Variants in BAZ2B observed in about 807,000 individuals in gnomAD.
The protein encoded by BAZ2B is bromodomain adjacent to zinc finger domain protein 2B.
A neutral mutation model predicts 246.0 loss-of-function variants in BAZ2B; 91 were observed. The ratio of observed to expected loss-of-function variants is 0.37; its 90% CI spans 0.31 to 0.44. The LOEUF (loss-of-function observed/expected upper bound fraction) is 0.44. Ranked by LOEUF, BAZ2B falls within the 20% of genes least tolerant of loss-of-function variation. The probability of loss-of-function intolerance (pLI) is 1.00; values close to 1 mark genes in which losing one functional copy is unlikely to be tolerated. For synonymous variants in BAZ2B, 855 were observed against 860.0 expected (o/e 0.99, Z 0.10); for missense variants, 2,332 against 2,533.7 (o/e 0.92, Z 1.71).
At chr2:159,680,673 GCTCA>G in the BAZ2B span, among the ~76,000 whole-genome samples, 2 of 152,138 alleles carry the variant, frequency 1.3e-5, no homozygotes, top group Non-Finnish European at 1.5e-5. Context: ...TCAGAGACAG[GCTCA>G]CTATTTGAAA....
chr2:159,604,446 A>C (rs1692917127), intron 1 of BAZ2B, among the ~76,000 whole-genome samples: 1 of 152,168 alleles, frequency 6.6e-6, no homozygotes, highest in Non-Finnish European at 1.5e-5. Context: ...ATATTTGTAG[A>C]GTACAATATT....
upstream of BAZ2B, among the ~76,000 whole-genome samples, chr2:159,621,256 G>A (rs1172887666): frequency 2.6e-5 from 4 of 152,060 alleles, no homozygotes. Context: ...ATCTAGAATT[G>A]TCCCCAGTGT....
intron 2 of BAZ2B, among the ~76,000 whole-genome samples, chr2:159,554,576 TA>T (rs1307243804): frequency 3.3e-5 from 5 of 151,792 alleles, no homozygotes. Context: ...TGCAAAATGT[TA>T]AACTTAACAA....
intron 3 of BAZ2B, among the ~76,000 whole-genome samples, chr2:159,456,720 A>G (rs1390943959): frequency 6.6e-6 from 1 of 152,192 alleles, no homozygotes; most frequent in African/African-American, 2.4e-5. Flanking sequence ...AAATAGTTAA[A>G]GCATGGAAAG....
At chr2:159,542,092 C>T (rs535493910) in intron 2 of BAZ2B, among the ~76,000 whole-genome samples, 154 of 152,102 alleles carry the variant, frequency 1.0e-3, no homozygotes, top group Non-Finnish European at 1.6e-3. Flanking sequence ...AGAAAAGAAC[C>T]AGTAAACTTG....
intron 1 of BAZ2B, among the ~76,000 whole-genome samples, chr2:159,611,839 A>AT (rs1376296870): frequency 1.3e-5 from 2 of 151,758 alleles, no homozygotes; most frequent in Non-Finnish European, 3.0e-5. Context: ...TTTTTAATGG[A>AT]TGTTTCTGTG....
intron 1 of BAZ2B, among the ~76,000 whole-genome samples, chr2:159,601,091 T>C (rs1166181667): frequency 6.6e-6 from 1 of 152,068 alleles, no homozygotes; most frequent in African/African-American, 2.4e-5. Flanking sequence ...ACAGCAAAGA[T>C]CTCAAGAGAC....
chr2:159,598,484 C>T (rs552824145), intron 1 of BAZ2B, among the ~76,000 whole-genome samples: 19 of 152,106 alleles, frequency 1.2e-4, no homozygotes, highest in Non-Finnish European at 2.5e-4. Flanking sequence ...ATGAGAAATC[C>T]CTGGGAATGT....
the BAZ2B span, among the ~76,000 whole-genome samples, chr2:159,626,886 T>C: frequency 6.6e-6 from 1 of 152,214 alleles, no homozygotes; most frequent in East Asian, 1.9e-4. Context: ...GGACCTGGTT[T>C]TTTGAAAAGA....
At chr2:159,572,574 T>C (rs1049859168) in intron 1 of BAZ2B, among the ~76,000 whole-genome samples, 1 of 152,228 alleles carries the variant, frequency 6.6e-6, no homozygotes, top group African/African-American at 2.4e-5. Flanking sequence ...AAGTGAACAA[T>C]AAATAGAAGA....
chr2:159,325,982 A>T, intron 34 of BAZ2B, 64 bp from the exon 35 acceptor site: 1 of 1,342,390 alleles, frequency 7.4e-7, no homozygotes, highest in Non-Finnish European at 1.0e-6. Context: ...CTATTATTTT[A>T]AATTATGAAA....
intron 2 of BAZ2B, among the ~76,000 whole-genome samples, chr2:159,523,459 A>T (rs2084366407): frequency 6.6e-6 from 1 of 152,084 alleles, no homozygotes; most frequent in African/African-American, 2.4e-5. Context: ...TAATCCCAGC[A>T]CTTTGGGAGG....
chr2:159,363,980 T>C (rs1387839508), intron 27 of BAZ2B, among the ~76,000 whole-genome samples: 3 of 152,142 alleles, frequency 2.0e-5, no homozygotes, highest in Admixed American at 6.5e-5. Context: ...GGAAGTGGCA[T>C]TGCTGGTGGG....
At chr2:159,330,438 T>A (rs2064534710) in intron 34 of BAZ2B, among the ~76,000 whole-genome samples, 1 of 152,124 alleles carries the variant, frequency 6.6e-6, no homozygotes, top group Non-Finnish European at 1.5e-5. Flanking sequence ...GAGCGTTCAG[T>A]TCTATCAAAT....
chr2:159,701,751 C>T, the BAZ2B span, among the ~76,000 whole-genome samples: 1 of 149,280 alleles, frequency 6.7e-6, no homozygotes, highest in Non-Finnish European at 1.5e-5. Context: ...TATTTTGAAA[C>T]AGAGTCTCAC....
rs2064117257 is a variant in BAZ2B at position 159,396,971 on chromosome 2, A to G, written c.3009+374T>C. 5.1e-5 allele frequency: 46 copies of G among 906,866 alleles called. No individual in the cohort carries two copies. The South Asian group carries it at 6.7e-4, about 13-fold the overall frequency. 56.2% of individuals were successfully genotyped at this position (906,866 alleles called of 1,614,324 possible). On this transcript the variant is annotated intron_variant, in intron 19 of 36. Coordinates refer to ENST00000392783, the MANE Select transcript of BAZ2B (RefSeq NM_013450.4). ...CTGTAAAGCCATGCAGCAGTATGTA[A>G]TATGACAGCAGCCAGTGCTACACTT... is the stretch of plus-strand genomic sequence containing the variant.
the BAZ2B span, among the ~76,000 whole-genome samples, chr2:159,674,467 C>T: frequency 6.6e-6 from 1 of 151,830 alleles, no homozygotes; most frequent in African/African-American, 2.4e-5. Flanking sequence ...GCATTCCCAG[C>T]ACTTTGGGAG....
At chr2:159,712,096 A>G in the BAZ2B span, 2 of 60,802 alleles carry the variant, frequency 3.3e-5, no homozygotes, top group South Asian at 4.0e-4. Context: ...AGAAAAAGAA[A>G]AAAAAAAAAA....
Position 159,382,685 on chromosome 2 carries a change from C to G in BAZ2B, c.3879G>C (p.Lys1293Asn), listed in dbSNP as rs1424455355. 1 of 1,611,500 alleles carries G rather than the reference C, an allele frequency of 6.2e-7. No homozygotes were observed. Among genetic ancestry groups the G allele is most frequent in the Admixed American group, 1.7e-5 (1 of 59,632 alleles). ...CATCGTCATAATCACTGTCTCCTCC[C>G]TTCCTTCTTCGCTTGCGTCCTGGAG... ...TPTPGRKRRRKGGDSDYDDDD... is the reference protein window; with the variant it reads ...TPTPGRKRRRNGGDSDYDDDD... The change falls in exon 25 of 37, where the codon AAG becomes AAC. Residue 1293 changes from lysine (K) to asparagine (N), a missense_variant. Coordinates refer to ENST00000392783, the MANE Select transcript of BAZ2B (RefSeq NM_013450.4).
Sources: allele counts gnomAD v4.1 joint callset (sites outside exome capture counted in the v4.1 genomes callset), GRCh38; gene constraint gnomAD v4.1.1; transcripts MANE v1.5; gene names NCBI Gene and HGNC (gene_info 2026-07-23, HGNC 2026-07-21).